The following MAGI1 variants were observed in gnomAD, a reference collection of about 807,000 sequenced individuals.
The protein encoded by MAGI1 is membrane associated guanylate kinase, WW and PDZ domain containing 1.
Under a neutral mutation model 139.9 loss-of-function variants are expected in MAGI1, and 58 were observed. The observed-to-expected ratio is 0.41, with a 90% CI of 0.34 to 0.52. The LOEUF is 0.52. Ranked by LOEUF, MAGI1 falls within the 20% of genes least tolerant of loss-of-function variation. The probability of loss-of-function intolerance (pLI) is 0.12; values close to 1 mark genes in which losing one functional copy is unlikely to be tolerated. For synonymous variants in MAGI1, 812 were observed against 737.9 expected (o/e 1.10, Z -1.63); for missense variants, 1,874 against 1,901.6 (o/e 0.99, Z 0.27).
At chr3:66,008,110 T>C (rs181036134) in intron 1 of MAGI1, among the ~76,000 whole-genome samples, 1 of 152,070 alleles carries the variant, frequency 6.6e-6, no homozygotes, top group African/African-American at 2.4e-5. Flanking sequence ...TTGGCCACGC[T>C]AGTCTTGAAA....
chr3:65,703,221 C>A (rs1456321686), intron 1 of MAGI1, among the ~76,000 whole-genome samples: 1 of 152,142 alleles, frequency 6.6e-6, no homozygotes, highest in Admixed American at 6.5e-5. Flanking sequence ...GCAAATCTGA[C>A]AACTGCTCCA....
chr3:65,963,626 A>C (rs2064581509), intron 1 of MAGI1, among the ~76,000 whole-genome samples: 1 of 152,156 alleles, frequency 6.6e-6, no homozygotes, highest in Non-Finnish European at 1.5e-5. Context: ...TAAATAAATA[A>C]ATAAATAAAA....
intron 1 of MAGI1, among the ~76,000 whole-genome samples, chr3:65,654,492 T>A (rs1483422878): frequency 6.6e-6 from 1 of 152,164 alleles, no homozygotes; most frequent in Non-Finnish European, 1.5e-5. Context: ...CTTATAATAA[T>A]CAGTGAAAAG....
intron 21 of MAGI1, 102 bp from the exon 22 acceptor site, chr3:65,361,439 C>T: frequency 8.5e-7 from 1 of 1,172,536 alleles, no homozygotes; most frequent in Non-Finnish European, 1.2e-6. Context: ...TTGGAGGTGG[C>T]AGTGACAAAA....
In MAGI1 at chr3:65,669,766, C is replaced by T. The variant is rs370078553; in HGVS notation, c.314-47678G>A. ...GCTGATCTAGGTGCAATGGTTTTGG[C>T]ACCTATCCAGTGGAAAGTTTGCTCA... On this transcript the variant is annotated intron_variant, in intron 1 of 22. Transcript: ENST00000402939. 5.8e-4 allele frequency among the ~76,000 whole-genome samples: 88 copies of T among 152,294 alleles called. 4 individuals carry two copies. In the South Asian group the frequency reaches 0.018, roughly 30 times the overall value.
chr3:65,560,386 T>A (rs905981398), intron 2 of MAGI1, among the ~76,000 whole-genome samples: 6 of 152,202 alleles, frequency 3.9e-5, no homozygotes, highest in Non-Finnish European at 7.3e-5. Context: ...TTATGATGCA[T>A]TGCATTTCTG....
intron 3 of MAGI1, among the ~76,000 whole-genome samples, chr3:65,482,896 G>C (rs1353714197): frequency 6.6e-6 from 1 of 152,224 alleles, no homozygotes; most frequent in African/African-American, 2.4e-5. Context: ...AAGCAAGTAT[G>C]TGTCTAAAGC....
chr3:65,756,579 C>T lies in MAGI1; in HGVS notation c.314-134491G>A, dbSNP rs193190270. Among the ~76,000 whole-genome samples the T allele has an allele frequency of 1.9e-3, 296 of 152,274 alleles. 1 individual carries two copies. The highest frequency in any genetic ancestry group is 3.8e-3 in the Non-Finnish European group (261 of 68,024). On this transcript the variant is annotated intron_variant, in intron 1 of 22. Coordinates refer to ENST00000402939, the MANE Select transcript of MAGI1 (RefSeq NM_001033057.2). ...CTCCTGGTGTCAGCAGAGGTCTCTA[C>T]TGTAACAAGTCTTTCATAAGCATCT...
At chr3:65,980,963 A>C (rs1050340932) in intron 1 of MAGI1, among the ~76,000 whole-genome samples, 3 of 152,166 alleles carry the variant, frequency 2.0e-5, no homozygotes, top group Non-Finnish European at 4.4e-5. Flanking sequence ...GTTCGAGACC[A>C]GCCTGGCCAG....
rs114397859 is a variant in MAGI1 at position 65,970,920 on chromosome 3, A to G, written c.313+67076T>C. ...TAGATCAGTTTTAAAAAATAAATAA[A>G]TAGGCTGGGCACGGTGGCTCATGCC... On this transcript the variant is annotated intron_variant, in intron 1 of 22. Transcript: ENST00000402939. 9.5e-3 allele frequency among the ~76,000 whole-genome samples: 1,448 copies of G among 152,282 alleles called. 27 individuals carry two copies. Among genetic ancestry groups the G allele is most frequent in the African/African-American group, 0.033 (1,364 of 41,562 alleles).
chr3:65,723,651 A>G (rs973902223), intron 1 of MAGI1, among the ~76,000 whole-genome samples: 2 of 152,182 alleles, frequency 1.3e-5, no homozygotes, highest in African/African-American at 2.4e-5. Context: ...CAGATAATAA[A>G]CTGGGATCTG....
chr3:65,391,259 G>A lies in MAGI1; in HGVS notation c.2299C>T (p.Leu767Phe), dbSNP rs960638727. The A allele has an allele frequency of 3.1e-6, 5 of 1,614,078 alleles. No individual in the cohort carries two copies. Among genetic ancestry groups the A allele is most frequent in the African/African-American group, 1.3e-5 (1 of 74,930 alleles). The change falls in exon 14 of 23, where the codon CTC becomes TTC. Residue 767 changes from leucine to phenylalanine, a missense_variant. This residue lies in a region of MAGI1 where 482 missense variants were observed against 509.6 expected (regional missense o/e 0.95). Transcript: ENST00000402939. ...GCCTCTGCAGGTGGGAACTCGGGGA[G>A]CACCTGTGTGCTGTGGCTTGGGGAT... ...TASPSHSTQV[L>F]PEFPPAEAQA... is the part of the protein sequence containing the mutation.
intron 1 of MAGI1, among the ~76,000 whole-genome samples, chr3:65,799,458 C>T (rs548183049): frequency 2.0e-5 from 3 of 152,296 alleles, no homozygotes; most frequent in Admixed American, 2.0e-4. Flanking sequence ...CCGAAAAATA[C>T]AAAAATTACT....
At chr3:65,507,055 C>T (rs912150703) in intron 2 of MAGI1, among the ~76,000 whole-genome samples, 6 of 152,210 alleles carry the variant, frequency 3.9e-5, no homozygotes, top group East Asian at 3.9e-4. Flanking sequence ...AGAGGAAATA[C>T]CACAGAGTGC....
At chr3:65,925,097 C>T (rs917622445) in intron 1 of MAGI1, 2 of 152,130 alleles carry the variant, frequency 1.3e-5, no homozygotes, top group African/African-American at 4.8e-5. Flanking sequence ...TGCTCCATGA[C>T]GACTGTGTCT....
At chr3:65,999,056 T>A (rs2066604467) in intron 1 of MAGI1, among the ~76,000 whole-genome samples, 1 of 152,070 alleles carries the variant, frequency 6.6e-6, no homozygotes, top group South Asian at 2.1e-4. Flanking sequence ...TATAAAAGAA[T>A]CCCTTTTTTA....
chr3:65,979,098 C>CG (rs71105960), intron 1 of MAGI1, among the ~76,000 whole-genome samples: 3 of 102,506 alleles, frequency 2.9e-5, no homozygotes, highest in Non-Finnish European at 1.9e-5. Flanking sequence ...TCCCCCCCCC[C>CG]GCCACCCCCC....
chr3:65,911,478 T>C (rs1204100231), intron 1 of MAGI1, among the ~76,000 whole-genome samples: 1 of 152,118 alleles, frequency 6.6e-6, no homozygotes, highest in Non-Finnish European at 1.5e-5. Context: ...AACTGCTCCA[T>C]GTATCTATTG....
rs77547862 is a variant in MAGI1, at chr3:65,538,888, A to C, written c.431-45257T>G. Among the ~76,000 whole-genome samples the C allele has an allele frequency of 8.6e-3, 1,302 of 152,252 alleles. 18 individuals are homozygous for C. Among genetic ancestry groups the C allele is most frequent in the African/African-American group, 0.03 (1,236 of 41,552 alleles). On this transcript the variant is annotated intron_variant, in intron 2 of 22. Transcript: ENST00000402939. Reference sequence around the variant, plus strand: ...ACATACCAACTGCCTACTGTCAACCAGAAACACATACTAACACCGGCAAAC... The same window carrying C: ...ACATACCAACTGCCTACTGTCAACCCGAAACACATACTAACACCGGCAAAC...
Sources: gnomAD v4.1 joint callset for allele counts (sites outside exome capture counted in the v4.1 genomes callset) on GRCh38, gnomAD v4.1.1 for gene constraint, gnomAD v4.1.1 regional missense constraint, MANE v1.5 for transcripts, NCBI Gene and HGNC (gene_info 2026-07-23, HGNC 2026-07-21) for gene names.